Variants in COMMD10 observed in about 807,000 individuals in gnomAD.
The protein encoded by COMMD10 is COMM domain-containing protein 10.
In COMMD10, 33 loss-of-function variants were observed where a neutral mutation model predicts 28.9. That is an observed-to-expected ratio of 1.14 (90% CI 0.87 to 1.53). COMMD10 has a LOEUF of 1.53. COMMD10 is among the 40% of genes most tolerant of loss of function. COMMD10 has a pLI of 0.00. For missense variants in COMMD10, 310 were observed against 233.4 expected, an observed-to-expected ratio of 1.33 and a Z score of -2.14; for synonymous variants, 110 against 81.7, an observed-to-expected ratio of 1.35 and a Z score of -1.87.
intron 5 of COMMD10, among the ~76,000 whole-genome samples, chr5:116,180,340 A>G (rs988658058): frequency 6.6e-6 from 1 of 152,124 alleles, no homozygotes; most frequent in Non-Finnish European, 1.5e-5. Flanking sequence ...CTTAGGATAT[A>G]TTTTAAAATA....
chr5:116,247,854 T>A (rs898827206), intron 5 of COMMD10, among the ~76,000 whole-genome samples: 8 of 151,964 alleles, frequency 5.3e-5, no homozygotes, highest in African/African-American at 1.9e-4. Flanking sequence ...GAAAAATAAC[T>A]AATGGATACT....
At chr5:116,134,256 C>T (rs953268610) in intron 5 of COMMD10, 78 bp downstream of exon 5, 50 of 764,466 alleles carry the variant, frequency 6.5e-5, no homozygotes, top group Non-Finnish European at 9.2e-5. Context: ...AGTCTTTGCT[C>T]TCTGGATTTA....
At chr5:116,291,353 C>T (rs960960160) in intron 5 of COMMD10, among the ~76,000 whole-genome samples, 164 bp from the exon 6 acceptor site, 13 of 152,090 alleles carry the variant, frequency 8.5e-5, no homozygotes, top group Non-Finnish European at 1.5e-4. Context: ...TTATTAAGTG[C>T]ATTTTTGAGT....
At chr5:116,282,840 G>C (rs1751108395) in intron 5 of COMMD10, among the ~76,000 whole-genome samples, 1 of 151,982 alleles carries the variant, frequency 6.6e-6, no homozygotes. Flanking sequence ...TCCAAACAAA[G>C]TCACCTCCTG....
chr5:116,189,110 G>A (rs76739440), intron 5 of COMMD10, among the ~76,000 whole-genome samples: 8,037 of 152,262 alleles, frequency 0.053, 300 homozygotes, highest in African/African-American at 0.11. Context: ...GGAAGCCAAA[G>A]TGGGGCAGAT....
chr5:116,138,981 G>C (rs75444755), intron 5 of COMMD10, among the ~76,000 whole-genome samples: 1 of 151,660 alleles, frequency 6.6e-6, no homozygotes, highest in African/African-American at 2.4e-5. Flanking sequence ...GAAGCACAGA[G>C]AAGTTAAATA....
At chr5:116,231,578 T>G (rs1353766807) in intron 5 of COMMD10, among the ~76,000 whole-genome samples, 1 of 151,132 alleles carries the variant, frequency 6.6e-6, no homozygotes, top group African/African-American at 2.4e-5. Flanking sequence ...CTTTGGCAGC[T>G]TTAGTCTAAT....
At chr5:116,089,886 G>C (rs1423136366) in intron 2 of COMMD10, among the ~76,000 whole-genome samples, 1 of 152,116 alleles carries the variant, frequency 6.6e-6, no homozygotes, top group East Asian at 1.9e-4. Flanking sequence ...TTTGATAAGG[G>C]CTTTTCAGTC....
At chr5:116,240,051 T>C (rs6888628) in intron 5 of COMMD10, among the ~76,000 whole-genome samples, 148,958 of 152,230 alleles carry the variant, frequency 0.98, 72,959 homozygotes, top group East Asian at 1. Context: ...TACTTTGCTT[T>C]ATAAAAGTGA....
At chr5:116,196,679 T>G (rs1169270389) in intron 5 of COMMD10, among the ~76,000 whole-genome samples, 3 of 152,060 alleles carry the variant, frequency 2.0e-5, no homozygotes, top group Admixed American at 1.3e-4. Flanking sequence ...GTGCAGTATG[T>G]GCTTATATTC....
At chr5:116,159,032 C>T (rs1404068052) in intron 5 of COMMD10, among the ~76,000 whole-genome samples, 4 of 152,152 alleles carry the variant, frequency 2.6e-5, no homozygotes, top group African/African-American at 7.2e-5. Flanking sequence ...TTACATTTGA[C>T]ATGAATCTGT....
intron 4 of COMMD10, among the ~76,000 whole-genome samples, chr5:116,128,029 A>C (rs979211610): frequency 1.3e-5 from 2 of 152,130 alleles, no homozygotes; most frequent in Non-Finnish European, 2.9e-5. Context: ...GTCAGTTCGC[A>C]GCATAAAAAG....
chr5:116,204,093 G>A (rs111617174), intron 5 of COMMD10, among the ~76,000 whole-genome samples: 52 of 152,148 alleles, frequency 3.4e-4, no homozygotes, highest in African/African-American at 1.2e-3. Context: ...TTGCATCCTA[G>A]TCTCTGATAA....
chr5:116,181,852 A>G (rs181159374), intron 5 of COMMD10, among the ~76,000 whole-genome samples: 30 of 152,246 alleles, frequency 2.0e-4, no homozygotes, highest in Admixed American at 1.8e-3. Context: ...TTGCTACTAT[A>G]TTCATTTATT....
chr5:116,119,653 A>G (rs548925986), intron 4 of COMMD10, among the ~76,000 whole-genome samples: 4 of 152,118 alleles, frequency 2.6e-5, no homozygotes, highest in Non-Finnish European at 5.9e-5. Context: ...CTCAGGCTGA[A>G]GTGTGCAGTG....
intron 5 of COMMD10, among the ~76,000 whole-genome samples, chr5:116,285,029 G>C (rs1159385959): frequency 6.6e-6 from 1 of 150,534 alleles, no homozygotes; most frequent in Non-Finnish European, 1.5e-5. Context: ...AATGAAGTTA[G>C]TTGATTCTGG....
intron 5 of COMMD10, among the ~76,000 whole-genome samples, chr5:116,264,478 A>G (rs1750530369): frequency 6.6e-6 from 1 of 151,814 alleles, no homozygotes; most frequent in South Asian, 2.1e-4. Flanking sequence ...TGTAGCACTT[A>G]GCATGCAAAG....
chr5:116,239,952 G>C (rs775126938), intron 5 of COMMD10, among the ~76,000 whole-genome samples: 1 of 152,120 alleles, frequency 6.6e-6, no homozygotes, highest in Non-Finnish European at 1.5e-5. Context: ...CCCCCAAGGA[G>C]AGTAGAGTCC....
intron 4 of COMMD10, among the ~76,000 whole-genome samples, chr5:116,117,743 G>A (rs543507223): frequency 6.6e-6 from 1 of 151,984 alleles, no homozygotes; most frequent in East Asian, 1.9e-4. Flanking sequence ...TAGGATTACA[G>A]GTGTGAGCCA....
Sources: allele counts gnomAD v4.1 joint callset (sites outside exome capture counted in the v4.1 genomes callset), GRCh38; gene constraint gnomAD v4.1.1; transcripts MANE v1.5; gene names NCBI Gene and HGNC (gene_info 2026-07-23, HGNC 2026-07-21).